The following NSMCE2 variants were observed in gnomAD, a reference collection of about 807,000 sequenced individuals.
NSMCE2 encodes NSE2 SUMO ligase component of SMC5/6 complex.
A neutral mutation model predicts 23.8 loss-of-function variants in NSMCE2; 24 were observed. That is an observed-to-expected ratio of 1.01 (90% CI 0.73 to 1.42). NSMCE2 has a LOEUF of 1.42. NSMCE2 is among the 40% of genes most tolerant of loss of function. The pLI, the probability that NSMCE2 is intolerant of heterozygous loss-of-function variation, is 0.00. For synonymous variants in NSMCE2, 92 were observed against 94.1 expected (o/e 0.98, Z 0.13); for missense variants, 284 against 296.5 (o/e 0.96, Z 0.31).
At position 125,199,287 on chromosome 8, in the gene NSMCE2, G is replaced by C. The variant is rs570315571; in HGVS notation, c.418+17031G>C. On this transcript the variant is annotated intron_variant, in intron 5 of 7. Transcript: ENST00000287437. ...TTGTGATGTTAGGGTGTCGATTTTA[G>C]ATCTTTCCTGCTTTCTCTTATGGGC... Among the ~76,000 whole-genome samples the C allele has an allele frequency of 1.2e-4, 18 of 152,172 alleles. No individual in the cohort carries two copies. In the South Asian group the frequency reaches 3.7e-3, roughly 32 times the overall value.
At chr8:125,263,063 G>A (rs1018016437) in intron 5 of NSMCE2, among the ~76,000 whole-genome samples, 5 of 152,190 alleles carry the variant, frequency 3.3e-5, no homozygotes, top group African/African-American at 1.2e-4. Flanking sequence ...CTGGGGGAAT[G>A]ATAACTATAG....
intron 5 of NSMCE2, among the ~76,000 whole-genome samples, chr8:125,193,194 C>A (rs78221197): frequency 0.041 from 6,207 of 152,174 alleles, 418 homozygotes; most frequent in African/African-American, 0.14. Flanking sequence ...AGTAGGTTAA[C>A]TACACATTTA....
intron 5 of NSMCE2, among the ~76,000 whole-genome samples, chr8:125,296,744 C>T (rs927493240): frequency 1.3e-5 from 2 of 152,102 alleles, no homozygotes; most frequent in East Asian, 1.9e-4. Context: ...TTTCCTCCTT[C>T]GTATTGTTGC....
At chr8:125,230,565 T>G (rs529022383) in intron 5 of NSMCE2, among the ~76,000 whole-genome samples, 1 of 152,354 alleles carries the variant, frequency 6.6e-6, no homozygotes, top group Admixed American at 6.5e-5. Flanking sequence ...TTTGTCTCTT[T>G]TCTGTTCAGT....
intron 5 of NSMCE2, among the ~76,000 whole-genome samples, chr8:125,213,131 G>A (rs1260287197): frequency 6.6e-6 from 1 of 152,050 alleles, no homozygotes; most frequent in Non-Finnish European, 1.5e-5. Context: ...TGAAAGAGTC[G>A]ACCTGTATGA....
intron 3 of NSMCE2, among the ~76,000 whole-genome samples, chr8:125,108,709 G>A (rs1818588255): frequency 6.6e-6 from 1 of 152,210 alleles, no homozygotes; most frequent in Admixed American, 6.5e-5. Context: ...TGTGAAGAGG[G>A]TAAGAAAGAT....
chr8:125,159,725 C>T (rs73348187), intron 4 of NSMCE2, among the ~76,000 whole-genome samples: 21,101 of 152,042 alleles, frequency 0.14, 2,408 homozygotes, highest in African/African-American at 0.31. Context: ...TCTCAAATTG[C>T]TCAGTTGGTG....
intron 4 of NSMCE2, among the ~76,000 whole-genome samples, chr8:125,167,935 T>C (rs1360389181): frequency 6.6e-6 from 1 of 152,172 alleles, no homozygotes; most frequent in Non-Finnish European, 1.5e-5. Context: ...TCTGGGAAAC[T>C]TCTCTCTGAC....
intron 5 of NSMCE2, among the ~76,000 whole-genome samples, chr8:125,262,469 A>G (rs1418499317): frequency 1.3e-5 from 2 of 152,272 alleles, no homozygotes; most frequent in African/African-American, 2.4e-5. Context: ...AAAGTATATG[A>G]GTCAAACTTT....
intron 5 of NSMCE2, among the ~76,000 whole-genome samples, chr8:125,199,211 C>A (rs536733932): frequency 4.6e-4 from 70 of 152,126 alleles, no homozygotes; most frequent in African/African-American, 1.6e-3. Flanking sequence ...TTATTTCTTG[C>A]CTTCTGCTAA....
intron 4 of NSMCE2, among the ~76,000 whole-genome samples, chr8:125,181,424 C>A (rs1822802292): frequency 6.6e-6 from 1 of 152,136 alleles, no homozygotes; most frequent in African/African-American, 2.4e-5. Flanking sequence ...TGATAACATA[C>A]ACAGAGCAGA....
intron 5 of NSMCE2, among the ~76,000 whole-genome samples, chr8:125,257,196 A>T (rs1474552217): frequency 6.6e-6 from 1 of 151,780 alleles, no homozygotes; most frequent in African/African-American, 2.4e-5. Context: ...AGGCAGGAGA[A>T]TCACTTGAAC....
At position 125,212,202 on chromosome 8, in the gene NSMCE2, G is replaced by A. The variant is rs150662105; in HGVS notation, c.418+29946G>A. On this transcript the variant is annotated intron_variant, in intron 5 of 7. Transcript: ENST00000287437. ...GTTCAAACTCAGGCTCTTTGCTACCGACTTTTACCTTGTTAGCAAGGCGAA... is the reference window on the plus strand; with the variant it reads ...GTTCAAACTCAGGCTCTTTGCTACCAACTTTTACCTTGTTAGCAAGGCGAA... Among the ~76,000 whole-genome samples the A allele has an allele frequency of 1.5e-3, 234 of 152,272 alleles. 1 individual carries two copies. The highest frequency in any genetic ancestry group is 5.2e-3 in the African/African-American group (216 of 41,552).
intron 3 of NSMCE2, among the ~76,000 whole-genome samples, chr8:125,144,050 G>C (rs769862949): frequency 1.5e-4 from 23 of 152,136 alleles, no homozygotes; most frequent in East Asian, 5.8e-4. Flanking sequence ...GGGAAAAGAG[G>C]GGGGGAAAGT....
chr8:125,204,641 A>T (rs1380557713), intron 5 of NSMCE2, among the ~76,000 whole-genome samples: 1 of 152,176 alleles, frequency 6.6e-6, no homozygotes, highest in African/African-American at 2.4e-5. Context: ...CCTGCTGTAG[A>T]GCACAGGGGT....
At chr8:125,362,132 C>T (rs1813585296) in intron 7 of NSMCE2, among the ~76,000 whole-genome samples, 1 of 152,218 alleles carries the variant, frequency 6.6e-6, no homozygotes, top group Non-Finnish European at 1.5e-5. Flanking sequence ...CTGACTCCTG[C>T]ACAGCGATGA....
intron 5 of NSMCE2, among the ~76,000 whole-genome samples, chr8:125,295,741 A>AT (rs1451452028): frequency 6.6e-6 from 1 of 152,178 alleles, no homozygotes; most frequent in Non-Finnish European, 1.5e-5. Flanking sequence ...TGGAGCTTGA[A>AT]TTTTGTCTCC....
At chr8:125,302,654 A>G (rs1828611110) in intron 5 of NSMCE2, among the ~76,000 whole-genome samples, 1 of 152,240 alleles carries the variant, frequency 6.6e-6, no homozygotes, top group Admixed American at 6.5e-5. Flanking sequence ...AGATTAGAAC[A>G]ATGATATAAA....
intron 5 of NSMCE2, among the ~76,000 whole-genome samples, chr8:125,243,802 G>A (rs923181132): frequency 1.3e-5 from 2 of 152,136 alleles, no homozygotes; most frequent in African/African-American, 4.8e-5. Flanking sequence ...AAAAATAATG[G>A]AGCATCCGTC....
Sources: allele counts gnomAD v4.1 joint callset (sites outside exome capture counted in the v4.1 genomes callset), GRCh38; gene constraint gnomAD v4.1.1; transcripts MANE v1.5; gene names NCBI Gene and HGNC (gene_info 2026-07-23, HGNC 2026-07-21).